The following FOXP2 variants were observed in gnomAD, a reference collection of about 807,000 sequenced individuals.
FOXP2 encodes the protein forkhead box P2.
In FOXP2, 12 loss-of-function variants were observed where a neutral mutation model predicts 115.8. The ratio of observed to expected loss-of-function variants is 0.10; its 90% confidence interval spans 0.07 to 0.17. The LOEUF is 0.17. Ranked by LOEUF, FOXP2 falls within the 10% of genes least tolerant of loss-of-function variation. The pLI, the probability that FOXP2 is intolerant of heterozygous loss-of-function variation, is 1.00. For missense variants in FOXP2, 629 were observed against 843.5 expected (o/e 0.75, Z 3.15); for synonymous variants, 328 against 297.7 (o/e 1.10, Z -1.05).
chr7:114,193,595 G>T (rs542922774), intron 1 of FOXP2, among the ~76,000 whole-genome samples: 1 of 152,104 alleles, frequency 6.6e-6, no homozygotes, highest in South Asian at 2.1e-4. Context: ...AGAATGTCCG[G>T]TGGGAAATTT....
At chr7:114,517,640 C>G (rs893786201) in intron 2 of FOXP2, among the ~76,000 whole-genome samples, 8 of 152,216 alleles carry the variant, frequency 5.3e-5, no homozygotes, top group African/African-American at 1.9e-4. Flanking sequence ...ACTGTAAGTG[C>G]ATGGATTTAC....
At chr7:114,554,444 T>C (rs1380457029) in intron 3 of FOXP2, among the ~76,000 whole-genome samples, 1 of 152,170 alleles carries the variant, frequency 6.6e-6, no homozygotes. Context: ...TGAAACTTGG[T>C]TCTGCCTTAG....
intron 2 of FOXP2, among the ~76,000 whole-genome samples, chr7:114,493,365 C>A (rs1324306247): frequency 2.0e-5 from 3 of 151,716 alleles, no homozygotes; most frequent in African/African-American, 7.3e-5. Context: ...CTTTCCAAAC[C>A]CATAGAATGT....
At chr7:114,552,675 A>G (rs1800268757) in intron 3 of FOXP2, among the ~76,000 whole-genome samples, 1 of 152,204 alleles carries the variant, frequency 6.6e-6, no homozygotes, top group Non-Finnish European at 1.5e-5. Context: ...ATATAATACA[A>G]TGTCCATATT....
chr7:114,255,839 G>A (rs1239372592), intron 1 of FOXP2, among the ~76,000 whole-genome samples: 2 of 152,064 alleles, frequency 1.3e-5, no homozygotes, highest in African/African-American at 4.8e-5. Flanking sequence ...GATGAACCCA[G>A]TACCTCAGTT....
At position 114,237,976 on chromosome 7, in the gene FOXP2, T is replaced by TCAAA. The variant is rs1006648523; in HGVS notation, c.-101-50029_-101-50026dup. On this transcript the variant is annotated intron_variant, in intron 1 of 17. Transcript: ENST00000634411. ...GGCAGCGGCAGAGCGAGACTGCATCTCAAACAAACAAACAAACTAACAAAC... is the reference window on the plus strand; with the variant it reads ...GGCAGCGGCAGAGCGAGACTGCATCTCAAACAAACAAACAAACAAACTAACAAAC... Among the ~76,000 whole-genome samples, 4 of 152,200 alleles carry TCAAA rather than the reference T, an allele frequency of 2.6e-5. No homozygotes were observed. The East Asian group carries it at 5.8e-4, about 22-fold the overall frequency.
At chr7:114,315,698 C>G (rs141852879) in intron 2 of FOXP2, among the ~76,000 whole-genome samples, 1 of 152,008 alleles carries the variant, frequency 6.6e-6, no homozygotes, top group Non-Finnish European at 1.5e-5. Flanking sequence ...GAAGTCACCA[C>G]AAACACTGAG....
intron 1 of FOXP2, among the ~76,000 whole-genome samples, chr7:114,119,023 T>C (rs1180704037): frequency 6.6e-6 from 1 of 152,150 alleles, no homozygotes; most frequent in East Asian, 1.9e-4. Flanking sequence ...CATTTTGGAA[T>C]TAAATTAATT....
At chr7:114,450,550 G>C (rs1795028147) in intron 2 of FOXP2, among the ~76,000 whole-genome samples, 1 of 152,024 alleles carries the variant, frequency 6.6e-6, no homozygotes. Flanking sequence ...AAAAATGACA[G>C]GTGTCAGGGG....
At chr7:114,253,103 T>G (rs1795498952) in intron 1 of FOXP2, among the ~76,000 whole-genome samples, 1 of 152,210 alleles carries the variant, frequency 6.6e-6, no homozygotes, top group East Asian at 1.9e-4. Flanking sequence ...TGAGCGGTTT[T>G]GGGTGAGTTT....
At chr7:114,434,555 A>G (rs1794256626) in intron 2 of FOXP2, among the ~76,000 whole-genome samples, 1 of 152,020 alleles carries the variant, frequency 6.6e-6, no homozygotes, top group South Asian at 2.1e-4. Context: ...AGATATATAA[A>G]TACAATTATT....
Position 114,382,871 on chromosome 7 carries a change from T to C in FOXP2, c.-10-43631T>C, listed in dbSNP as rs543253805. 2.6e-5 allele frequency among the ~76,000 whole-genome samples: 4 copies of C among 152,306 alleles called. No homozygotes were observed. The East Asian group carries it at 7.7e-4, about 29-fold the overall frequency. On this transcript the variant is annotated intron_variant, in intron 2 of 17. Coordinates refer to the FOXP2 transcript ENST00000634411. The stretch of plus-strand genomic sequence containing the variant: ...GTAGAATTTTCTTCCTTTCCCTGTG[T>C]TATGTGGACATCATTGAATAATTCA...
intron 16 of FOXP2, chr7:114,666,394 G>A (rs1157534550): frequency 1.3e-5 from 2 of 151,868 alleles, no homozygotes; most frequent in Non-Finnish European, 2.9e-5. Context: ...CATAATAGAT[G>A]TCAAATATTT....
chr7:114,688,796 T>TA (rs746819257), intron 16 of FOXP2, among the ~76,000 whole-genome samples: 45 of 152,284 alleles, frequency 3.0e-4, no homozygotes, highest in Admixed American at 6.5e-4. Flanking sequence ...AATTTAGAGT[T>TA]AAAAACATGT....
intron 2 of FOXP2, among the ~76,000 whole-genome samples, chr7:114,471,488 C>T (rs1172169435): frequency 6.6e-6 from 1 of 152,126 alleles, no homozygotes. Context: ...ACTTTCTTAA[C>T]TTACACTATT....
At chr7:114,305,242 G>C (rs984767355) in intron 2 of FOXP2, among the ~76,000 whole-genome samples, 1 of 152,132 alleles carries the variant, frequency 6.6e-6, no homozygotes, top group Non-Finnish European at 1.5e-5. Flanking sequence ...CCAAGAGCTT[G>C]AAGGAGAGCT....
intron 1 of FOXP2, among the ~76,000 whole-genome samples, chr7:114,093,214 C>T (rs1173533466): frequency 6.6e-6 from 1 of 152,138 alleles, no homozygotes; most frequent in Non-Finnish European, 1.5e-5. Context: ...TAAGCTGACT[C>T]CTACTCCAGA....
intron 6 of FOXP2, among the ~76,000 whole-genome samples, chr7:114,639,676 A>G (rs565946835): frequency 1.3e-5 from 2 of 152,268 alleles, no homozygotes; most frequent in East Asian, 3.9e-4. Flanking sequence ...GGTTGTGGGA[A>G]CAACCAGAGC....
chr7:114,359,765 G>T (rs1171670123), intron 2 of FOXP2, among the ~76,000 whole-genome samples: 1 of 152,216 alleles, frequency 6.6e-6, no homozygotes, highest in Non-Finnish European at 1.5e-5. Flanking sequence ...TGGAATGTGT[G>T]TATTTACCCA....
Sources: allele counts gnomAD v4.1 joint callset (sites outside exome capture counted in the v4.1 genomes callset), GRCh38; gene constraint gnomAD v4.1.1; transcripts MANE v1.5; gene names NCBI Gene and HGNC (gene_info 2026-07-23, HGNC 2026-07-21).